Variants in DMTN observed in about 807,000 individuals in gnomAD.
DMTN encodes dematin.
Under a neutral mutation model 59.4 loss-of-function variants are expected in DMTN, and 27 were observed. The ratio of observed to expected loss-of-function variants is 0.45; its 90% CI spans 0.33 to 0.63. DMTN has a LOEUF of 0.63. DMTN is among the 20% of genes least tolerant of loss of function. DMTN has a pLI of 0.02. For synonymous variants in DMTN, 221 were observed against 203.7 expected (o/e 1.08, Z -0.72); for missense variants, 451 against 528.9 (o/e 0.85, Z 1.45).
chr8:22,050,479 C>T (rs1024889334), upstream of DMTN, among the ~76,000 whole-genome samples: 2 of 152,104 alleles, frequency 1.3e-5, no homozygotes, highest in Admixed American at 1.3e-4. Flanking sequence ...CAAAGGTGGA[C>T]GGGGCCCTTT....
chr8:22,061,605 C>T (rs902786477), intron 1 of DMTN, among the ~76,000 whole-genome samples: 2 of 152,152 alleles, frequency 1.3e-5, no homozygotes, highest in Non-Finnish European at 2.9e-5. Flanking sequence ...AGGAAGATTC[C>T]AGGGCCTCCC....
intron 1 of DMTN, among the ~76,000 whole-genome samples, chr8:22,065,521 G>A (rs1444432713): frequency 2.0e-5 from 3 of 152,138 alleles, no homozygotes; most frequent in Non-Finnish European, 4.4e-5. Context: ...AGGCAGAGAG[G>A]TGGACAGAGC....
In DMTN at chr8:22,080,484, G is replaced by T. The variant is rs770371284; in HGVS notation, c.949+24G>T. The T allele has an allele frequency of 9.9e-6, 16 of 1,614,130 alleles. No homozygotes were observed. In the East Asian group the frequency reaches 3.1e-4, roughly 31 times the overall value. ...AGGTGAGAAGTGGGGCCTGGTGCCGGGGTCTGGAGAAGGGGCTTACACAGG... is the reference window on the plus strand; with the variant it reads ...AGGTGAGAAGTGGGGCCTGGTGCCGTGGTCTGGAGAAGGGGCTTACACAGG... On this transcript the variant is annotated intron_variant, in intron 12 of 15. Coordinates refer to ENST00000358242, the MANE Select transcript of DMTN (RefSeq NM_001387751.1).
intron 10 of DMTN, among the ~76,000 whole-genome samples, chr8:22,074,149 C>T (rs767468810): frequency 8.5e-5 from 13 of 152,290 alleles, no homozygotes; most frequent in Admixed American, 2.0e-4. Context: ...GGGAAACTGT[C>T]ATGGAACGTG....
intron 9 of DMTN, among the ~76,000 whole-genome samples, chr8:22,073,153 G>A (rs78222452): frequency 0.012 from 1,893 of 152,308 alleles, 42 homozygotes; most frequent in African/African-American, 0.044. Context: ...GGAGGCCGCC[G>A]TGGTAGAGTT....
In DMTN at chr8:22,081,487, GC is replaced by G. The variant is rs771066623; in HGVS notation, c.*29del. 1.9e-6 allele frequency: 3 copies of G among 1,601,472 alleles called. No homozygotes were observed. Among genetic ancestry groups the G allele is most frequent in the Admixed American group, 3.3e-5 (2 of 59,998 alleles). On this transcript the variant is annotated 3_prime_UTR_variant, in exon 16 of 16. Transcript: ENST00000358242. The stretch of plus-strand genomic sequence containing the variant: ...GATGGCCCCCACCTGCTCCGGGACG[GC>G]CCCCTTACCCCTGCTGCTTCAGGGT...
At chr8:22,055,257 G>C (rs531199696), upstream of DMTN, among the ~76,000 whole-genome samples, 1 of 152,018 alleles carries the variant, frequency 6.6e-6, no homozygotes, top group Non-Finnish European at 1.5e-5. Context: ...GGGGCCTGGT[G>C]GGGGAGGGGC....
In DMTN at chr8:22,070,264, C is replaced by T. The variant is rs145064007; in HGVS notation, c.534C>T (p.Pro178=). 6.2e-7 allele frequency: 1 copy of T among 1,613,630 alleles called. No homozygotes were observed. The highest frequency in any genetic ancestry group is 8.5e-7 in the Non-Finnish European group (1 of 1,179,770). The change falls in exon 8 of 16, where the codon CCC becomes CCT. Residue 178 remains proline (P), a synonymous_variant. Transcript: ENST00000358242. ...IESSKFPAAQ[P]PDPNQPAKIE... is the part of the protein sequence containing the mutation. ...CATCCAAGTTTCCTGCAGCCCAGCC[C>T]CCAGACCCCAACCAGCCAGCCAAAA...
intron 13 of DMTN, 74 bp downstream of exon 13, chr8:22,080,699 G>T (rs1290518494): frequency 3.8e-6 from 6 of 1,582,202 alleles, no homozygotes; most frequent in South Asian, 1.1e-5. Flanking sequence ...TCAGGGGAAG[G>T]GGGGTGTGGG....
At chr8:22,067,371 C>T (rs973410410) in intron 3 of DMTN, among the ~76,000 whole-genome samples, 156 bp from the exon 4 acceptor site, 6 of 152,240 alleles carry the variant, frequency 3.9e-5, no homozygotes, top group Non-Finnish European at 7.3e-5. Flanking sequence ...AAAGGACTAT[C>T]ATGTTTTAAG....
At chr8:22,068,009 ATGT>A (rs1290368496) in intron 4 of DMTN, among the ~76,000 whole-genome samples, 2 of 152,168 alleles carry the variant, frequency 1.3e-5, no homozygotes, top group Non-Finnish European at 2.9e-5. Flanking sequence ...GACCCATGTG[ATGT>A]TGTGGCCTCA....
At chr8:22,077,230 G>A (rs565893810) in intron 10 of DMTN, among the ~76,000 whole-genome samples, 9 of 152,208 alleles carry the variant, frequency 5.9e-5, no homozygotes, top group Admixed American at 3.3e-4. Context: ...GGAGGGGAAT[G>A]AAGAAACTGG....
chr8:22,071,997 A>T (rs1206073277), intron 8 of DMTN, among the ~76,000 whole-genome samples: 27 of 151,250 alleles, frequency 1.8e-4, no homozygotes, highest in Non-Finnish European at 4.4e-5. Flanking sequence ...GGGCTCAAGC[A>T]ATCCACCTAG....
At chr8:22,072,054 G>A (rs770357277) in intron 8 of DMTN, among the ~76,000 whole-genome samples, 28 of 151,654 alleles carry the variant, frequency 1.8e-4, no homozygotes, top group African/African-American at 3.9e-4. Context: ...CTACCACCCC[G>A]GGCTAATTTT....
intron 10 of DMTN, among the ~76,000 whole-genome samples, chr8:22,079,752 T>G (rs6990472): frequency 0.94 from 143,433 of 151,860 alleles, 67,877 homozygotes; most frequent in East Asian, 0.99. Flanking sequence ...GAGCCACCAC[T>G]CCTGGCCAAA....
rs1286051502 is a variant in DMTN, at chr8:22,081,755, G to C, written c.*292G>C. The C allele has an allele frequency of 3.7e-6, 2 of 533,586 alleles. No homozygotes were observed. Among genetic ancestry groups the C allele is most frequent in the Admixed American group, 4.6e-5 (2 of 43,324 alleles). The allele number at this position is 533,586 out of a possible 1,614,324, so 33.1% of individuals were successfully genotyped here. On this transcript the variant is annotated 3_prime_UTR_variant, in exon 16 of 16. Transcript: ENST00000358242. ...CGCCCTCTCCCTGCCCCTCACCCCA[G>C]AGGGTGAGGAGGAATGAGGGGCATT...
chr8:22,075,559 C>A (rs1819165385), intron 10 of DMTN, among the ~76,000 whole-genome samples: 1 of 125,604 alleles, frequency 8.0e-6, no homozygotes. Flanking sequence ...CTCACTGTCA[C>A]CCAGGCTGGA....
At chr8:22,077,704 AC>A (rs1820829360) in intron 10 of DMTN, among the ~76,000 whole-genome samples, 1 of 152,114 alleles carries the variant, frequency 6.6e-6, no homozygotes, top group Admixed American at 6.6e-5. Flanking sequence ...GCGTCCCTGA[AC>A]TTGTGGGTGA....
intron 10 of DMTN, among the ~76,000 whole-genome samples, chr8:22,078,380 TATATATAC>T (rs1232752963): frequency 4.0e-5 from 6 of 149,602 alleles, no homozygotes; most frequent in Non-Finnish European, 5.9e-5. Context: ...ACAAAAAATA[TATATATAC>T]ATATATACAT....
Sources: gnomAD v4.1 joint callset for allele counts (sites outside exome capture counted in the v4.1 genomes callset) on GRCh38, gnomAD v4.1.1 for gene constraint, MANE v1.5 for transcripts, NCBI Gene and HGNC (gene_info 2026-07-23, HGNC 2026-07-21) for gene names.